The following CPT1A variants were observed in gnomAD, a reference collection of about 807,000 sequenced individuals.
CPT1A encodes carnitine palmitoyltransferase 1A, also known as carnitine O-palmitoyltransferase 1, liver isoform.
CPT1A carries 64 observed loss-of-function variants against 100.8 expected under a neutral mutation model. The ratio of observed to expected loss-of-function variants is 0.63; its 90% CI spans 0.52 to 0.78. CPT1A has a LOEUF of 0.78. CPT1A is among the 30% of genes least tolerant of loss of function. The probability of loss-of-function intolerance (pLI) is 0.00; values close to 1 mark genes in which losing one functional copy is unlikely to be tolerated. For missense variants in CPT1A, 802 were observed against 1,034.1 expected, an observed-to-expected ratio of 0.78 and a Z score of 3.08; for synonymous variants, 363 against 396.0, an observed-to-expected ratio of 0.92 and a Z score of 0.99.
chr11:68,836,321 T>C (rs1003264040), intron 1 of CPT1A, among the ~76,000 whole-genome samples: 4 of 146,538 alleles, frequency 2.7e-5, no homozygotes, highest in East Asian at 2.1e-4. Context: ...CAAAAAAATA[T>C]AAAAAATTAG....
chr11:68,840,521 G>T (rs368796603), intron 1 of CPT1A, among the ~76,000 whole-genome samples: 1 of 152,208 alleles, frequency 6.6e-6, no homozygotes, highest in African/African-American at 2.4e-5. Flanking sequence ...ACTAAAATCT[G>T]CCCTTAAATA....
At chr11:68,802,294 T>A (rs965611358) in intron 5 of CPT1A, among the ~76,000 whole-genome samples, 2 of 152,072 alleles carry the variant, frequency 1.3e-5, no homozygotes, top group African/African-American at 4.8e-5. Flanking sequence ...TTACCATAAT[T>A]TTTTTAAAAA....
chr11:68,782,018 G>A (rs1855327520), intron 10 of CPT1A, 59 bp from the exon 11 acceptor site: 3 of 1,467,268 alleles, frequency 2.0e-6, no homozygotes, highest in East Asian at 4.5e-5. Flanking sequence ...GGAGCGTGAT[G>A]TTTGAAATGA....
At chr11:68,843,921 TG>T (rs1015614107), upstream of CPT1A, among the ~76,000 whole-genome samples, 40 of 152,380 alleles carry the variant, frequency 2.6e-4, no homozygotes, top group African/African-American at 9.6e-4. The surrounding 1 kb of genome is among the most constrained non-coding windows in gnomAD (Gnocchi z 4.0). Context: ...CTCCTTTCCC[TG>T]GAACCTCAGC....
At chr11:68,821,460 T>C (rs545042918) in intron 1 of CPT1A, among the ~76,000 whole-genome samples, 1 of 152,188 alleles carries the variant, frequency 6.6e-6, no homozygotes, top group East Asian at 1.9e-4. Flanking sequence ...GCCTACATTT[T>C]TGTATTTTGA....
rs76309011 is a variant in CPT1A at position 68,819,903 on chromosome 11, A to G, written c.-13-4416T>C. Among the ~76,000 whole-genome samples the G allele has an allele frequency of 4.4e-3, 666 of 152,320 alleles. 7 individuals carry two copies. The highest frequency in any genetic ancestry group is 0.015 in the African/African-American group (644 of 41,554). The stretch of plus-strand genomic sequence containing the variant: ...AAGGGCCAGAGGAGCTCCCTGTGCA[A>G]ATGTAATGAGCGCAAATCCCACCCT... On this transcript the variant is annotated intron_variant, in intron 1 of 18. Coordinates refer to ENST00000265641, the MANE Select transcript of CPT1A (RefSeq NM_001876.4).
intron 2 of CPT1A, 39 bp from the exon 3 acceptor site, chr11:68,812,615 A>G: frequency 1.2e-6 from 2 of 1,612,878 alleles, no homozygotes; most frequent in Non-Finnish European, 1.7e-6. Flanking sequence ...GTGTCCTCCC[A>G]CAACCCACAG....
intron 13 of CPT1A, among the ~76,000 whole-genome samples, chr11:68,774,830 GA>G (rs1328088693): frequency 1.3e-5 from 2 of 151,358 alleles, no homozygotes; most frequent in African/African-American, 4.9e-5. Context: ...GGACTCCAGG[GA>G]ATTTCTCCTT....
At position 68,841,801 on chromosome 11, in the gene CPT1A, G is replaced by A. The variant is rs1039640234; in HGVS notation, c.-40C>T. 13 of 997,608 alleles carry A rather than the reference G, an allele frequency of 1.3e-5. No individual in the cohort carries two copies. The Admixed American group carries it at 1.8e-4, about 14-fold the overall frequency. The allele number at this position is 997,608 out of a possible 1,614,324, so 61.8% of individuals were successfully genotyped here. On this transcript the variant is annotated 5_prime_UTR_variant, in exon 1 of 19. Coordinates refer to ENST00000265641, the MANE Select transcript of CPT1A (RefSeq NM_001876.4). The surrounding 1 kb of genome is among the most constrained non-coding windows in gnomAD (Gnocchi z 6.3). ...GAGTCAGCTACGGAGGTGCGGCAGC[G>A]GCAGCGGCAGCGGCGGCGGCGGCGG...
intron 12 of CPT1A, among the ~76,000 whole-genome samples, chr11:68,776,285 G>A (rs1855137730): frequency 6.6e-6 from 1 of 152,174 alleles, no homozygotes; most frequent in Non-Finnish European, 1.5e-5. Context: ...TGTAGTCCCA[G>A]TTACTGAGGA....
chr11:68,829,330 T>C (rs1248625842), intron 1 of CPT1A, among the ~76,000 whole-genome samples: 1 of 152,178 alleles, frequency 6.6e-6, no homozygotes, highest in Non-Finnish European at 1.5e-5. Flanking sequence ...GGGGCCGGCC[T>C]ATCTGCAGCC....
intron 6 of CPT1A, among the ~76,000 whole-genome samples, chr11:68,798,585 TGGA>T: frequency 6.6e-6 from 1 of 151,380 alleles, no homozygotes; most frequent in East Asian, 2.0e-4. Flanking sequence ...GACGCTTCGT[TGGA>T]GGAGATGCTC....
intron 3 of CPT1A, among the ~76,000 whole-genome samples, chr11:68,810,573 G>C (rs1276436167): frequency 6.6e-6 from 1 of 152,216 alleles, no homozygotes; most frequent in African/African-American, 2.4e-5. Context: ...AGAAGGAACA[G>C]GATGTGGAGG....
At chr11:68,796,767 G>A (rs916871176) in intron 7 of CPT1A, 89 bp downstream of exon 7, 8 of 1,299,560 alleles carry the variant, frequency 6.2e-6, no homozygotes, top group African/African-American at 4.4e-5. Context: ...TTCCCAGGCC[G>A]TCCACAGGCC....
intron 2 of CPT1A, 60 bp from the exon 3 acceptor site, chr11:68,812,636 C>T: frequency 1.2e-6 from 2 of 1,604,560 alleles, no homozygotes; most frequent in Non-Finnish European, 1.7e-6. Flanking sequence ...GGCAATGACG[C>T]TTCATGGCCC....
At chr11:68,840,290 G>A (rs894847513) in intron 1 of CPT1A, among the ~76,000 whole-genome samples, 2 of 152,168 alleles carry the variant, frequency 1.3e-5, no homozygotes, top group Non-Finnish European at 2.9e-5. Flanking sequence ...ATTTGGAAAG[G>A]CCCGGGGGTG....
intron 10 of CPT1A, 152 bp downstream of exon 10, chr11:68,784,663 G>T: frequency 1.4e-6 from 1 of 728,776 alleles, no homozygotes; most frequent in Non-Finnish European, 2.3e-6. Flanking sequence ...TTGCTCTTGA[G>T]ACCTGCCAAG....
intron 9 of CPT1A, among the ~76,000 whole-genome samples, chr11:68,792,292 G>A (rs1436020677): frequency 6.6e-6 from 1 of 151,950 alleles, no homozygotes; most frequent in African/African-American, 2.4e-5. Context: ...AGCCGAGATC[G>A]CGCCACTGCA....
chr11:68,784,924 G>A lies in CPT1A; in HGVS notation c.1054C>T (p.Arg352Trp), dbSNP rs376844032. Residue 352 changes from arginine (R) to tryptophan (W), a missense_variant, in exon 10 of 19, where the codon CGG becomes TGG. Transcript: ENST00000265641. ...YFKVWLYHDG[R>W]LLKPREMEQQ... is the part of the protein sequence containing the mutation. ...TCCATCTCCCGGGGCTTCAGCAGCCGCCCATCATGGTAGAGCCAGACCTTG... is the reference window on the plus strand; with the variant it reads ...TCCATCTCCCGGGGCTTCAGCAGCCACCCATCATGGTAGAGCCAGACCTTG... The A allele has an allele frequency of 4.4e-5, 71 of 1,614,054 alleles. No individual in the cohort carries two copies. In the South Asian group the frequency reaches 5.8e-4, roughly 13 times the overall value.
Sources: allele counts gnomAD v4.1 joint callset (sites outside exome capture counted in the v4.1 genomes callset), GRCh38; gene constraint gnomAD v4.1.1; non-coding constraint Gnocchi (gnomAD v3.1); transcripts MANE v1.5; gene names NCBI Gene and HGNC (gene_info 2026-07-23, HGNC 2026-07-21).